The following SKAP2 variants were observed in gnomAD, a reference collection of about 807,000 sequenced individuals.
SKAP2 encodes the protein src kinase-associated phosphoprotein 2.
In SKAP2, 28 loss-of-function variants were observed where a neutral mutation model predicts 54.9. The ratio of observed to expected loss-of-function variants is 0.51; its 90% CI spans 0.38 to 0.70. SKAP2 has a LOEUF of 0.70. Among genes scored for constraint, SKAP2 ranks in the 30% least tolerant of loss-of-function variants. The pLI is 0.00. For synonymous variants in SKAP2, 137 were observed against 134.3 expected (o/e 1.02, Z -0.14); for missense variants, 356 against 424.1 (o/e 0.84, Z 1.41).
At chr7:26,719,838 T>C (rs763392596) in intron 9 of SKAP2, among the ~76,000 whole-genome samples, 7 of 152,298 alleles carry the variant, frequency 4.6e-5, no homozygotes, top group Non-Finnish European at 1.0e-4. Context: ...ATGAATTAAC[T>C]CATATGGAGC....
At chr7:26,718,003 G>A (rs1199635347) in intron 9 of SKAP2, among the ~76,000 whole-genome samples, 7 of 151,856 alleles carry the variant, frequency 4.6e-5, no homozygotes, top group South Asian at 2.1e-4. Context: ...AAACTCATGC[G>A]ATGAGGATAT....
At chr7:26,801,209 A>G (rs1261875097) in intron 4 of SKAP2, among the ~76,000 whole-genome samples, 1 of 152,198 alleles carries the variant, frequency 6.6e-6, no homozygotes, top group African/African-American at 2.4e-5. Context: ...AACATATACA[A>G]ATCAATCAAC....
chr7:26,765,442 T>G (rs1266347841), intron 4 of SKAP2, among the ~76,000 whole-genome samples: 1 of 152,214 alleles, frequency 6.6e-6, no homozygotes, highest in African/African-American at 2.4e-5. Context: ...GATGATAGTT[T>G]CTTTTGCTGT....
At chr7:26,724,896 G>A (rs1435183035) in intron 9 of SKAP2, among the ~76,000 whole-genome samples, 1 of 152,032 alleles carries the variant, frequency 6.6e-6, no homozygotes, top group Admixed American at 6.5e-5. Context: ...CCATATTGAT[G>A]CTAAAATATC....
rs370088848 is a variant in SKAP2 at position 26,799,114 on chromosome 7, A to G, written c.307+44916T>C. 5.0e-3 allele frequency among the ~76,000 whole-genome samples: 751 copies of G among 148,908 alleles called. 3 individuals carry two copies. Among genetic ancestry groups the G allele is most frequent in the Non-Finnish European group, 7.4e-3 (497 of 67,262 alleles). ...GCAGGGCAAGGCAAGGCAAGGCAAG[A>G]CAAGGCAAGGCAAGGCAAGGCAAGG... On this transcript the variant is annotated intron_variant, in intron 4 of 12. Coordinates refer to ENST00000345317, the MANE Select transcript of SKAP2 (RefSeq NM_003930.5).
chr7:26,810,057 T>C (rs1179807164), intron 4 of SKAP2, among the ~76,000 whole-genome samples: 1 of 152,110 alleles, frequency 6.6e-6, no homozygotes, highest in Non-Finnish European at 1.5e-5. Context: ...AAAGTTGGGC[T>C]GGGCACAGTG....
intron 3 of SKAP2, among the ~76,000 whole-genome samples, chr7:26,847,754 T>C (rs1047906500): frequency 6.6e-6 from 1 of 152,214 alleles, no homozygotes; most frequent in African/African-American, 2.4e-5. Context: ...AAATTTTGCA[T>C]CTCATTTCTG....
chr7:26,676,246 A>C (rs528875291), intron 11 of SKAP2, among the ~76,000 whole-genome samples: 30 of 152,234 alleles, frequency 2.0e-4, no homozygotes, highest in Non-Finnish European at 3.1e-4. Flanking sequence ...GCACTTATTT[A>C]TGTAAAGTTG....
the SKAP2 span, among the ~76,000 whole-genome samples, chr7:26,659,657 C>T: frequency 6.6e-6 from 1 of 152,060 alleles, no homozygotes; most frequent in East Asian, 1.9e-4. Context: ...ATTAAGAAGA[C>T]ATACAGTATT....
chr7:26,719,406 A>G (rs568068774), intron 9 of SKAP2, among the ~76,000 whole-genome samples: 1 of 152,258 alleles, frequency 6.6e-6, no homozygotes, highest in African/African-American at 2.4e-5. Flanking sequence ...GAGAAGTCAC[A>G]TAAAAGGGTT....
intron 3 of SKAP2, among the ~76,000 whole-genome samples, chr7:26,845,629 CT>C (rs1219426363): frequency 1.3e-5 from 2 of 152,174 alleles, no homozygotes; most frequent in African/African-American, 4.8e-5. Context: ...CAATATTTCT[CT>C]TATGAAAAGA....
intron 4 of SKAP2, among the ~76,000 whole-genome samples, chr7:26,815,209 A>G (rs12532796): frequency 0.17 from 26,234 of 152,074 alleles, 2,819 homozygotes; most frequent in Non-Finnish European, 0.24. Flanking sequence ...GACTGCAGTA[A>G]TAACAGGATT....
chr7:26,720,316 C>A lies in SKAP2; in HGVS notation c.796+5112G>T, dbSNP rs188989476. On this transcript the variant is annotated intron_variant, in intron 9 of 12. Transcript: ENST00000345317. ...TGAAAGGAATTTGCAATGCCAATGG[C>A]AACATAGAGAAAAGCTACAAGACAG... 6.5e-3 allele frequency among the ~76,000 whole-genome samples: 991 copies of A among 152,196 alleles called. 10 individuals carry two copies. Among genetic ancestry groups the A allele is most frequent in the Middle Eastern group, 0.044 (13 of 294 alleles).
At chr7:26,696,271 T>C (rs1354820868) in intron 9 of SKAP2, among the ~76,000 whole-genome samples, 1 of 152,236 alleles carries the variant, frequency 6.6e-6, no homozygotes, top group Non-Finnish European at 1.5e-5. Flanking sequence ...TTTAGCATTA[T>C]ACAAACTTCA....
intron 1 of SKAP2, among the ~76,000 whole-genome samples, chr7:26,864,042 C>T (rs73069539): frequency 0.18 from 25,382 of 139,648 alleles, 2,666 homozygotes; most frequent in Non-Finnish European, 0.24. Flanking sequence ...ACTCTTCCTC[C>T]CCCGCCCTTC....
chr7:26,745,655 T>C (rs991783231), intron 4 of SKAP2, among the ~76,000 whole-genome samples: 3 of 152,082 alleles, frequency 2.0e-5, no homozygotes, highest in Non-Finnish European at 4.4e-5. Context: ...GCTGGGATTA[T>C]AGGTACACAA....
At position 26,667,293 on chromosome 7, in the gene SKAP2, T is replaced by C. The variant is rs1489051293; in HGVS notation, c.*2373A>G. 1 of 152,200 alleles carries C rather than the reference T, an allele frequency of 6.6e-6. No homozygotes were observed. Among genetic ancestry groups the C allele is most frequent in the East Asian group, 1.9e-4 (1 of 5,200 alleles). The allele number at this position is 152,200 out of a possible 1,614,324, so 9.4% of individuals were successfully genotyped here. ...CATAATGAGACCATAGCAATTAGCA[T>C]ATTTTCTAACAAGCCATGTTGTTTA... On this transcript the variant is annotated 3_prime_UTR_variant, in exon 13 of 13. Transcript: ENST00000345317.
chr7:26,857,635 G>T (rs1323897027), intron 1 of SKAP2: 6 of 985,278 alleles, frequency 6.1e-6, no homozygotes, highest in Non-Finnish European at 7.2e-6. Flanking sequence ...TCTGAGAAAC[G>T]CACTTCAGCG....
intron 4 of SKAP2, among the ~76,000 whole-genome samples, chr7:26,753,475 C>T (rs11773050): frequency 0.62 from 94,123 of 152,084 alleles, 29,714 homozygotes; most frequent in East Asian, 0.88. Context: ...AATCAATATA[C>T]AGATAAAACA....
Sources: gnomAD v4.1 joint callset for allele counts (sites outside exome capture counted in the v4.1 genomes callset) on GRCh38, gnomAD v4.1.1 for gene constraint, MANE v1.5 for transcripts, NCBI Gene and HGNC (gene_info 2026-07-23, HGNC 2026-07-21) for gene names.